Variants in HPSE2 observed in about 807,000 individuals in gnomAD.
HPSE2 encodes heparanase 2 (inactive), also known as inactive heparanase-2.
HPSE2 carries 38 observed loss-of-function variants against 60.5 expected under a neutral mutation model. The observed-to-expected ratio is 0.63, with a 90% CI of 0.48 to 0.82. The LOEUF is 0.82. Among genes scored for constraint, HPSE2 ranks in the 40% least tolerant of loss-of-function variants. The probability of loss-of-function intolerance (pLI) is 0.00; values close to 1 mark genes in which losing one functional copy is unlikely to be tolerated. For synonymous variants in HPSE2, 295 were observed against 293.2 expected, an observed-to-expected ratio of 1.01 and a Z score of -0.06; for missense variants, 713 against 740.4, an observed-to-expected ratio of 0.96 and a Z score of 0.43.
chr10:99,141,160 T>C (rs1845853503), intron 3 of HPSE2, among the ~76,000 whole-genome samples: 1 of 152,214 alleles, frequency 6.6e-6, no homozygotes, highest in African/African-American at 2.4e-5. Context: ...TGATTCCTGT[T>C]CTTTTTTTAA....
At chr10:99,266,327 C>T in the HPSE2 span, among the ~76,000 whole-genome samples, 1 of 151,410 alleles carries the variant, frequency 6.6e-6, no homozygotes, top group Non-Finnish European at 1.5e-5. Context: ...GGAATGAGAC[C>T]AACGTTTTGG....
chr10:99,117,168 TAA>T (rs1318675832), intron 3 of HPSE2, among the ~76,000 whole-genome samples: 1 of 151,502 alleles, frequency 6.6e-6, no homozygotes, highest in African/African-American at 2.4e-5. Context: ...TACCCCAATT[TAA>T]AAGTCATGTA....
At chr10:98,764,874 A>C (rs989535908) in intron 3 of HPSE2, among the ~76,000 whole-genome samples, 3 of 152,140 alleles carry the variant, frequency 2.0e-5, no homozygotes, top group Admixed American at 6.5e-5. Context: ...CATAAAAAAC[A>C]AACAAACAAA....
At chr10:98,479,746 C>T (rs1481823674) in intron 11 of HPSE2, among the ~76,000 whole-genome samples, 1 of 152,166 alleles carries the variant, frequency 6.6e-6, no homozygotes, top group Non-Finnish European at 1.5e-5. Flanking sequence ...ATCCAGTTCC[C>T]TTGAATTCCA....
chr10:98,756,125 G>A (rs557630944), intron 3 of HPSE2, among the ~76,000 whole-genome samples: 16 of 152,136 alleles, frequency 1.1e-4, no homozygotes, highest in Admixed American at 2.6e-4. Context: ...TCTTTAAGAC[G>A]AATGAAAACA....
intron 9 of HPSE2, among the ~76,000 whole-genome samples, chr10:98,503,595 C>A (rs926329442): frequency 3.3e-5 from 5 of 152,152 alleles, no homozygotes; most frequent in Non-Finnish European, 5.9e-5. Flanking sequence ...TTCACAATTG[C>A]AAAATCATGG....
At chr10:99,141,935 A>G (rs1845879669) in intron 3 of HPSE2, among the ~76,000 whole-genome samples, 1 of 152,248 alleles carries the variant, frequency 6.6e-6, no homozygotes, top group African/African-American at 2.4e-5. Context: ...CCAGTAACTG[A>G]CCAGAAAACA....
At chr10:99,186,282 C>T (rs1288038051) in intron 2 of HPSE2, among the ~76,000 whole-genome samples, 1 of 151,984 alleles carries the variant, frequency 6.6e-6, no homozygotes, top group East Asian at 1.9e-4. Context: ...TGGTGGCTCA[C>T]ACCTGTAATT....
At chr10:99,031,509 T>C (rs1957498203) in intron 3 of HPSE2, among the ~76,000 whole-genome samples, 1 of 152,200 alleles carries the variant, frequency 6.6e-6, no homozygotes, top group African/African-American at 2.4e-5. Context: ...GTCCTCTCTA[T>C]GAGATAGACA....
chr10:98,928,872 A>T (rs1954561676), intron 3 of HPSE2, among the ~76,000 whole-genome samples: 2 of 136,318 alleles, frequency 1.5e-5, no homozygotes, highest in South Asian at 4.5e-4. Flanking sequence ...TAGCACTGGG[A>T]GATATGCCTA....
At chr10:99,305,979 G>GCAAACACACACACA in the HPSE2 span, among the ~76,000 whole-genome samples, 1 of 80,580 alleles carries the variant, frequency 1.2e-5, no homozygotes, top group Non-Finnish European at 2.4e-5. Context: ...GCGCGCGCGC[G>GCAAACACACACACA]CACACACACA....
At chr10:98,991,375 T>C (rs1193110166) in intron 3 of HPSE2, among the ~76,000 whole-genome samples, 2 of 151,850 alleles carry the variant, frequency 1.3e-5, no homozygotes, top group African/African-American at 4.8e-5. Context: ...AGGGAAGAAA[T>C]TTTCAAGCAG....
intron 3 of HPSE2, among the ~76,000 whole-genome samples, chr10:98,985,874 A>G (rs1483088359): frequency 6.6e-6 from 1 of 152,240 alleles, no homozygotes; most frequent in East Asian, 1.9e-4. Flanking sequence ...TTAAACCAAC[A>G]AAGATCAAAA....
intron 3 of HPSE2, among the ~76,000 whole-genome samples, chr10:99,025,286 T>C (rs1033974110): frequency 6.6e-6 from 1 of 152,146 alleles, no homozygotes; most frequent in Non-Finnish European, 1.5e-5. Context: ...TGCAAAGCAG[T>C]GTGACAATTC....
At chr10:99,047,047 A>G (rs1231806723) in intron 3 of HPSE2, among the ~76,000 whole-genome samples, 3 of 152,204 alleles carry the variant, frequency 2.0e-5, no homozygotes, top group Non-Finnish European at 4.4e-5. Flanking sequence ...ATGTGGAGAC[A>G]GCATGCTACC....
rs80219141 is a variant in HPSE2, at chr10:98,903,202, T to A, written c.611-159146A>T. ...TACATATTATATTATTTCATTTATATGAAATGCTCAGAATAAGAAAAACTA... is the reference window on the plus strand; with the variant it reads ...TACATATTATATTATTTCATTTATAAGAAATGCTCAGAATAAGAAAAACTA... On this transcript the variant is annotated intron_variant, in intron 3 of 11. Coordinates refer to ENST00000370552, the MANE Select transcript of HPSE2 (RefSeq NM_021828.5). Among the ~76,000 whole-genome samples the A allele has an allele frequency of 9.1e-4, 139 of 152,266 alleles. 3 individuals carry two copies. In the East Asian group the frequency reaches 0.024, roughly 27 times the overall value.
intron 1 of HPSE2, 42 bp from the exon 2 acceptor site, chr10:99,232,547 G>A: frequency 6.5e-7 from 1 of 1,546,606 alleles, no homozygotes; most frequent in South Asian, 1.2e-5. Context: ...TCCCAGGACA[G>A]GACGAGAGCG....
chr10:99,135,568 A>G lies in HPSE2; in HGVS notation c.610+8670T>C, dbSNP rs1845614547. Among the ~76,000 whole-genome samples, 3 of 152,154 alleles carry G rather than the reference A, an allele frequency of 2.0e-5. No homozygotes were observed. In the South Asian group the frequency reaches 6.2e-4, roughly 32 times the overall value. ...GATTAAGAAACTCACTCACAACTAC[A>G]TGGAAACTAAACAACCTGCTCCTGA... On this transcript the variant is annotated intron_variant, in intron 3 of 11. Coordinates refer to ENST00000370552, the MANE Select transcript of HPSE2 (RefSeq NM_021828.5).
At chr10:98,815,388 C>T (rs540061505) in intron 3 of HPSE2, among the ~76,000 whole-genome samples, 92 of 152,314 alleles carry the variant, frequency 6.0e-4, no homozygotes, top group African/African-American at 2.0e-3. Flanking sequence ...TCTTTCATGG[C>T]TTTCCTTTCA....
Sources: allele counts gnomAD v4.1 joint callset (sites outside exome capture counted in the v4.1 genomes callset), GRCh38; gene constraint gnomAD v4.1.1; transcripts MANE v1.5; gene names NCBI Gene and HGNC (gene_info 2026-07-23, HGNC 2026-07-21).